The following KIAA1671 variants were observed in gnomAD, a reference collection of about 807,000 sequenced individuals.
KIAA1671 encodes uncharacterized protein KIAA1671.
In KIAA1671, 52 loss-of-function variants were observed where a neutral mutation model predicts 131.2. The observed-to-expected ratio is 0.40, with a 90% CI of 0.32 to 0.50. The LOEUF is 0.50. Among genes scored for constraint, KIAA1671 ranks in the 20% least tolerant of loss-of-function variants. The probability of loss-of-function intolerance (pLI) is 0.73; values close to 1 mark genes in which losing one functional copy is unlikely to be tolerated. For synonymous variants in KIAA1671, 1,003 were observed against 961.6 expected, an observed-to-expected ratio of 1.04 and a Z score of -0.80; for missense variants, 2,360 against 2,364.2, an observed-to-expected ratio of 1.00 and a Z score of 0.04.
intron 10 of KIAA1671, among the ~76,000 whole-genome samples, chr22:25,182,979 C>T (rs905421922): frequency 6.6e-6 from 1 of 152,224 alleles, no homozygotes; most frequent in African/African-American, 2.4e-5. Context: ...TGAGCTGCCT[C>T]CCTCCTCCCC....
chr22:24,970,730 T>TAAAAAAA (rs533720025), intron 1 of KIAA1671, among the ~76,000 whole-genome samples: 4 of 137,408 alleles, frequency 2.9e-5, no homozygotes, highest in East Asian at 2.5e-4. Flanking sequence ...GTTGATGAGC[T>TAAAAAAA]AAAAAAAAAA....
intron 1 of KIAA1671, among the ~76,000 whole-genome samples, chr22:24,964,338 A>G (rs889875030): frequency 6.6e-6 from 1 of 151,910 alleles, no homozygotes; most frequent in African/African-American, 2.4e-5. Flanking sequence ...CAACAAAAAA[A>G]CAAAAAACAA....
In KIAA1671 at chr22:25,020,489, T is replaced by G. The variant is rs1925606132; in HGVS notation, c.-207-5144T>G. 1.3e-5 allele frequency among the ~76,000 whole-genome samples: 2 copies of G among 152,182 alleles called. 1 individual carries two copies. Among genetic ancestry groups the G allele is most frequent in the African/African-American group, 4.8e-5 (2 of 41,440 alleles). On this transcript the variant is annotated intron_variant, in intron 1 of 12. Transcript: ENST00000358431. ...TTCAGGTGTTTTTTGCACACCGACTTTATGCCCCTTATGGTTCAGACTCCA... is the reference window on the plus strand; with the variant it reads ...TTCAGGTGTTTTTTGCACACCGACTGTATGCCCCTTATGGTTCAGACTCCA...
chr22:25,035,294 G>A (rs1926528492), intron 4 of KIAA1671, among the ~76,000 whole-genome samples: 1 of 152,124 alleles, frequency 6.6e-6, no homozygotes, highest in Non-Finnish European at 1.5e-5. Context: ...TGATCTGCCT[G>A]CCTTGGCCTC....
chr22:25,169,576 A>G (rs996691482), intron 6 of KIAA1671, among the ~76,000 whole-genome samples: 9 of 152,230 alleles, frequency 5.9e-5, no homozygotes, highest in Non-Finnish European at 1.0e-4. Flanking sequence ...CACTCAACAA[A>G]GCACAAGCCT....
rs192743413 is a variant in KIAA1671 at position 25,117,859 on chromosome 22, G to A, written c.4531-52961G>A. On this transcript the variant is annotated intron_variant, in intron 6 of 12. Transcript: ENST00000358431. Reference sequence around the variant, plus strand: ...GTCCAAAATCAAAATGTCAGCAGTCGGCCGGGTGTGGTGACTCACCTGTAA... The same window carrying A: ...GTCCAAAATCAAAATGTCAGCAGTCAGCCGGGTGTGGTGACTCACCTGTAA... 1.8e-3 allele frequency among the ~76,000 whole-genome samples: 276 copies of A among 151,864 alleles called. 2 individuals carry two copies. Among genetic ancestry groups the A allele is most frequent in the Non-Finnish European group, 3.0e-3 (206 of 67,930 alleles).
intron 6 of KIAA1671, among the ~76,000 whole-genome samples, chr22:25,094,976 G>A (rs6004437): frequency 0.27 from 41,437 of 152,028 alleles, 7,047 homozygotes; most frequent in African/African-American, 0.49. Flanking sequence ...TACTGTAGTA[G>A]ACAAAACAGA....
intron 1 of KIAA1671, among the ~76,000 whole-genome samples, chr22:24,980,852 T>G (rs1373349434): frequency 6.6e-6 from 1 of 152,034 alleles, no homozygotes; most frequent in Non-Finnish European, 1.5e-5. Context: ...GTTCAAGTGA[T>G]TCTCCTGCCT....
In KIAA1671 at chr22:25,038,826, C is replaced by G; in HGVS notation, c.1696C>G (p.Arg566Gly). ...AAGCCCCTGGAAGCCTGGGACACTC[C>G]GGGATAAGTCCAGGCAGACGGAGCA... ...PRSPWKPGTL[R>G]DKSRQTEQKV... The change falls in exon 5 of 13, where the codon CGG becomes GGG. Residue 566 changes from arginine (R) to glycine (G), a missense_variant. Transcript: ENST00000358431. 3 of 1,551,828 alleles carry G rather than the reference C, an allele frequency of 1.9e-6. No homozygotes were observed. Among genetic ancestry groups the G allele is most frequent in the South Asian group, 1.2e-5 (1 of 84,058 alleles).
chr22:25,057,142 C>A (rs1927883967), intron 6 of KIAA1671: 2 of 152,418 alleles, frequency 1.3e-5, no homozygotes, highest in African/African-American at 4.8e-5. Context: ...AGGTGACTGG[C>A]CCCGCAACAT....
intron 6 of KIAA1671, chr22:25,062,645 G>C (rs946035979): frequency 1.3e-5 from 2 of 152,386 alleles, no homozygotes; most frequent in Non-Finnish European, 2.9e-5. Flanking sequence ...CAGGCTTTTC[G>C]ACTGGGCTGC....
intron 6 of KIAA1671, among the ~76,000 whole-genome samples, chr22:25,078,554 A>G (rs1319278023): frequency 6.6e-6 from 1 of 152,080 alleles, no homozygotes; most frequent in Non-Finnish European, 1.5e-5. Flanking sequence ...ATAAAAATAG[A>G]TGTGGGCTGA....
chr22:25,185,196 T>G, intron 11 of KIAA1671, 77 bp downstream of exon 11: 1 of 1,393,222 alleles, frequency 7.2e-7, no homozygotes, highest in Non-Finnish European at 9.6e-7. Context: ...TCGCATAGGT[T>G]TTAGAGCTGA....
At chr22:25,130,691 G>A (rs1365324473) in intron 6 of KIAA1671, among the ~76,000 whole-genome samples, 1 of 152,182 alleles carries the variant, frequency 6.6e-6, no homozygotes, top group Non-Finnish European at 1.5e-5. Flanking sequence ...CTTGGTGTCT[G>A]GGCCTCCACT....
At chr22:25,014,766 G>A (rs577445966) in intron 1 of KIAA1671, 17 of 152,230 alleles carry the variant, frequency 1.1e-4, no homozygotes, top group African/African-American at 3.9e-4. Flanking sequence ...TCGTTATCAT[G>A]TGGAACGCCT....
In KIAA1671 at chr22:25,038,933, A is replaced by G. The variant is rs1926763939; in HGVS notation, c.1803A>G (p.Pro601=). 8 of 1,551,776 alleles carry G rather than the reference A, an allele frequency of 5.2e-6. No individual in the cohort carries two copies. The highest frequency in any genetic ancestry group is 7.0e-6 in the Non-Finnish European group (8 of 1,147,014). ...CCCCGTGCCCTTCTGACGTCACTCC[A>G]GAGGATGACCGGAGCTTCCAGACTG... ...VEAPCPSDVT[P]EDDRSFQTVW... is the part of the protein sequence containing the mutation. The change falls in exon 5 of 13, where the codon CCA becomes CCG. Residue 601 remains proline, a synonymous_variant. Transcript: ENST00000358431.
intron 9 of KIAA1671, among the ~76,000 whole-genome samples, chr22:25,180,501 G>A (rs527343931): frequency 1.6e-4 from 24 of 151,850 alleles, no homozygotes; most frequent in African/African-American, 5.3e-4. Flanking sequence ...TCGTGCCACT[G>A]CACTCCAGCC....
intron 6 of KIAA1671, among the ~76,000 whole-genome samples, chr22:25,151,900 G>A (rs753521633): frequency 2.4e-4 from 36 of 152,018 alleles, no homozygotes; most frequent in African/African-American, 6.5e-4. Context: ...CACCACGCCC[G>A]GCTAGTTTTT....
At chr22:25,085,463 T>C (rs1436408572) in intron 6 of KIAA1671, among the ~76,000 whole-genome samples, 1 of 152,146 alleles carries the variant, frequency 6.6e-6, no homozygotes, top group Non-Finnish European at 1.5e-5. Flanking sequence ...CTCTGGTGTA[T>C]ATTTCCAGCA....
Sources: gnomAD v4.1 joint callset for allele counts (sites outside exome capture counted in the v4.1 genomes callset) on GRCh38, gnomAD v4.1.1 for gene constraint, MANE v1.5 for transcripts, NCBI Gene and HGNC (gene_info 2026-07-23, HGNC 2026-07-21) for gene names.